Variants in KTN1 observed in about 807,000 individuals in gnomAD.
The protein encoded by KTN1 is kinectin.
KTN1 carries 130 observed loss-of-function variants against 222.5 expected under a neutral mutation model. That is an observed-to-expected ratio of 0.58 (90% CI 0.51 to 0.68). The LOEUF (loss-of-function observed/expected upper bound fraction) is 0.68. Ranked by LOEUF, KTN1 falls within the 30% of genes least tolerant of loss-of-function variation. KTN1 has a pLI of 0.00. For missense variants in KTN1, 1,508 were observed against 1,500.4 expected (o/e 1.01, Z -0.08); for synonymous variants, 512 against 496.3 (o/e 1.03, Z -0.42).
chr14:55,664,433 T>C (rs1286576124), intron 33 of KTN1, among the ~76,000 whole-genome samples: 2 of 152,168 alleles, frequency 1.3e-5, no homozygotes, highest in African/African-American at 4.8e-5. Context: ...CTACGTGTTT[T>C]GGAGGGCACA....
chr14:55,624,316 T>G (rs903270633), intron 5 of KTN1, among the ~76,000 whole-genome samples: 9 of 152,212 alleles, frequency 5.9e-5, no homozygotes, highest in African/African-American at 1.9e-4. Context: ...AGGGGGAAGA[T>G]AAATACAGGG....
intron 6 of KTN1, among the ~76,000 whole-genome samples, chr14:55,628,838 C>T (rs1001163322): frequency 3.3e-5 from 5 of 152,108 alleles, no homozygotes; most frequent in Non-Finnish European, 7.4e-5. Flanking sequence ...ATTAGGATAA[C>T]TAATTTGATA....
At chr14:55,652,068 C>T (rs2042976989) in intron 25 of KTN1, 141 bp downstream of exon 25, 1 of 581,198 alleles carries the variant, frequency 1.7e-6, no homozygotes, top group African/African-American at 1.9e-5. Context: ...CTCCTAAGGG[C>T]CCTAAGTTTC....
Position 55,633,220 on chromosome 14 carries a change from G to A in KTN1, c.1222-15G>A. 3 of 1,511,072 alleles carry A rather than the reference G, an allele frequency of 2.0e-6. No individual in the cohort carries two copies. Among genetic ancestry groups the A allele is most frequent in the South Asian group, 1.3e-5 (1 of 78,760 alleles). 93.6% of individuals were successfully genotyped at this position (1,511,072 alleles called of 1,614,324 possible). A position where few individuals can be genotyped will look rare whatever the true frequency, so the allele number is the denominator to read the frequency against. Reference sequence around the variant, plus strand: ...TCTTTGTTTTCTAAGTTTTATGTGTGTAAAATAATTTTAGTTTCAGCAAGT... The same window carrying A: ...TCTTTGTTTTCTAAGTTTTATGTGTATAAAATAATTTTAGTTTCAGCAAGT... On this transcript the variant is annotated splice_polypyrimidine_tract_variant and intron_variant, in intron 7 of 43. Transcript: ENST00000395314.
At chr14:55,673,042 C>T in intron 39 of KTN1, 30 bp downstream of exon 39, 2 of 1,565,122 alleles carry the variant, frequency 1.3e-6, no homozygotes, top group Non-Finnish European at 1.8e-6. Context: ...TTCAAACTTG[C>T]TTCTCAATTC....
chr14:55,636,725 T>G (rs1031656963), intron 10 of KTN1, among the ~76,000 whole-genome samples, 189 bp downstream of exon 10: 1 of 152,162 alleles, frequency 6.6e-6, no homozygotes, highest in Non-Finnish European at 1.5e-5. Flanking sequence ...CCTACTAGCT[T>G]TGCCTGAAGC....
At chr14:55,644,356 A>G (rs555726204) in intron 18 of KTN1, 5 of 701,712 alleles carry the variant, frequency 7.1e-6, no homozygotes, top group Admixed American at 2.0e-5. Flanking sequence ...TCTGGAGGAA[A>G]AGATTGAGCG....
chr14:55,646,554 TTCTC>T (rs1159586343), intron 18 of KTN1, among the ~76,000 whole-genome samples: 35 of 116,328 alleles, frequency 3.0e-4, no homozygotes, highest in African/African-American at 7.4e-4. Context: ...CCTTCTCTCT[TTCTC>T]TCTCTTTCTC....
intron 6 of KTN1, among the ~76,000 whole-genome samples, chr14:55,628,787 C>T (rs1227285737): frequency 6.6e-6 from 1 of 152,038 alleles, no homozygotes; most frequent in East Asian, 1.9e-4. Flanking sequence ...GAAACTTTAA[C>T]ATAGTTTTTT....
At chr14:55,638,493 A>T (rs2041401743) in intron 12 of KTN1, among the ~76,000 whole-genome samples, 1 of 151,950 alleles carries the variant, frequency 6.6e-6, no homozygotes, top group Non-Finnish European at 1.5e-5. Context: ...ATTTCTGTAT[A>T]AAAAGTGGTT....
Position 55,636,457 on chromosome 14 carries a change from A to T in KTN1, c.1470A>T (p.Leu490=), listed in dbSNP as rs778453153. The T allele has an allele frequency of 6.2e-7, 1 of 1,608,890 alleles. No homozygotes were observed. Among genetic ancestry groups the T allele is most frequent in the Non-Finnish European group, 8.5e-7 (1 of 1,177,000 alleles). The change falls in exon 10 of 44, where the codon CTA becomes CTT. Residue 490 remains leucine, a synonymous_variant. Transcript: ENST00000395314. ...CCTTTTAAAATACCAAGGTTCAACT[A>T]CAAGAAGCTGAGAGAAGGTGGGAAG... ...EQAATQLKVQ[L]QEAERRWEEV... is the part of the protein sequence containing the mutation.
chr14:55,684,106 TA>T lies in KTN1; in HGVS notation c.*5del. 6.2e-7 allele frequency: 1 copy of T among 1,602,792 alleles called. No homozygotes were observed. The highest frequency in any genetic ancestry group is 8.5e-7 in the Non-Finnish European group (1 of 1,173,080). On this transcript the variant is annotated 3_prime_UTR_variant, in exon 44 of 44. Coordinates refer to ENST00000395314, the MANE Select transcript of KTN1 (RefSeq NM_001079521.2). ...CTTTCTGATCTTTTACAGAGTGAAG[TA>T]ATTGGGAAACTGTTCATTTGAGGAT...
intron 13 of KTN1, 25 bp downstream of exon 13, chr14:55,639,247 A>T (rs771774523): frequency 2.6e-6 from 4 of 1,553,264 alleles, no homozygotes; most frequent in Non-Finnish European, 3.6e-6. Context: ...TCACACTCTT[A>T]TAATTGTGTA....
chr14:55,615,390 C>T (rs1394064649), intron 2 of KTN1, among the ~76,000 whole-genome samples: 1 of 148,498 alleles, frequency 6.7e-6, no homozygotes. Context: ...CCTCCCCCTT[C>T]CCCCATATCT....
chr14:55,626,707 C>G (rs906608896), intron 5 of KTN1, among the ~76,000 whole-genome samples: 1 of 152,050 alleles, frequency 6.6e-6, no homozygotes, highest in African/African-American at 2.4e-5. Context: ...CTGGTGTTCT[C>G]CTTGGGGACT....
intron 1 of KTN1, among the ~76,000 whole-genome samples, chr14:55,594,354 C>T (rs2034659631): frequency 6.6e-6 from 1 of 152,138 alleles, no homozygotes; most frequent in Non-Finnish European, 1.5e-5. Flanking sequence ...CTGATATTAG[C>T]ATCACACTAA....
intron 1 of KTN1, among the ~76,000 whole-genome samples, chr14:55,597,916 AT>A (rs899035207): frequency 3.8e-4 from 58 of 152,192 alleles, no homozygotes; most frequent in African/African-American, 1.3e-3. Flanking sequence ...TACAGAATAG[AT>A]TGTAAGGTTT....
chr14:55,600,983 G>A (rs80328469), intron 1 of KTN1, among the ~76,000 whole-genome samples: 9,192 of 152,114 alleles, frequency 0.06, 383 homozygotes, highest in South Asian at 0.09. Flanking sequence ...GGCATGATGA[G>A]TAAGCAAAAG....
chr14:55,661,858 CT>C, intron 32 of KTN1: 1 of 271,258 alleles, frequency 3.7e-6, no homozygotes, highest in South Asian at 1.7e-4. Flanking sequence ...ATTATTATAC[CT>C]TTAGTTATTT....
Sources: gnomAD v4.1 joint callset for allele counts (sites outside exome capture counted in the v4.1 genomes callset) on GRCh38, gnomAD v4.1.1 for gene constraint, MANE v1.5 for transcripts, NCBI Gene and HGNC (gene_info 2026-07-23, HGNC 2026-07-21) for gene names.